TAFA2: variants seen among roughly 807,000 people sequenced by gnomAD.
TAFA2 encodes the protein TAFA chemokine like family member 2.
In TAFA2, 7 loss-of-function variants were observed where a neutral mutation model predicts 18.8. The ratio of observed to expected loss-of-function variants is 0.37; its 90% confidence interval spans 0.21 to 0.70. TAFA2 has a LOEUF of 0.70. Among genes scored for constraint, TAFA2 ranks in the 30% least tolerant of loss-of-function variants. TAFA2 has a pLI of 0.53. For synonymous variants in TAFA2, 60 were observed against 54.2 expected (o/e 1.11, Z -0.47); for missense variants, 122 against 158.1 (o/e 0.77, Z 1.23).
At chr12:61,969,922 G>A (rs757507953) in intron 1 of TAFA2, among the ~76,000 whole-genome samples, 1 of 151,546 alleles carries the variant, frequency 6.6e-6, no homozygotes. Flanking sequence ...ATCCAATATG[G>A]CTAAAGCAAA....
At chr12:62,081,205 T>A (rs959047712) in intron 1 of TAFA2, among the ~76,000 whole-genome samples, 4 of 152,014 alleles carry the variant, frequency 2.6e-5, no homozygotes, top group Non-Finnish European at 4.4e-5. Flanking sequence ...ACAAAAAAAA[T>A]TCCCCTATAT....
At chr12:61,734,351 C>T (rs1238537602) in intron 4 of TAFA2, among the ~76,000 whole-genome samples, 1 of 117,416 alleles carries the variant, frequency 8.5e-6, no homozygotes, top group Non-Finnish European at 1.6e-5. Context: ...ACATCACACT[C>T]TGGGGACGGT....
At chr12:62,139,075 G>A (rs767012406) in intron 1 of TAFA2, among the ~76,000 whole-genome samples, 1 of 152,150 alleles carries the variant, frequency 6.6e-6, no homozygotes. Context: ...TTGGGGGCGG[G>A]GGAGAGGATG....
chr12:62,017,703 A>T (rs1323248826), intron 1 of TAFA2, among the ~76,000 whole-genome samples: 1 of 152,188 alleles, frequency 6.6e-6, no homozygotes, highest in African/African-American at 2.4e-5. Context: ...ATCTCACTAA[A>T]GTATGGTTCC....
chr12:62,123,533 C>T (rs1870307393), intron 1 of TAFA2, among the ~76,000 whole-genome samples: 1 of 152,002 alleles, frequency 6.6e-6, no homozygotes, highest in Non-Finnish European at 1.5e-5. Flanking sequence ...AAAAAGTGGT[C>T]AGATCTTTTC....
intron 1 of TAFA2, among the ~76,000 whole-genome samples, chr12:62,152,201 C>A (rs774259057): frequency 7.9e-5 from 12 of 152,172 alleles, no homozygotes; most frequent in Admixed American, 6.5e-5. Flanking sequence ...TAATTACATT[C>A]ACATTCTCAG....
At chr12:61,903,783 A>T (rs1876219616) in intron 1 of TAFA2, among the ~76,000 whole-genome samples, 1 of 152,202 alleles carries the variant, frequency 6.6e-6, no homozygotes, top group East Asian at 1.9e-4. Context: ...ATGTGAGTCA[A>T]AAATGCAATT....
chr12:61,724,480 T>C (rs566801666), intron 4 of TAFA2, among the ~76,000 whole-genome samples: 1 of 151,790 alleles, frequency 6.6e-6, no homozygotes, highest in East Asian at 1.9e-4. Flanking sequence ...TTTTGTACAC[T>C]CATCCCCTGA....
chr12:61,802,921 G>A (rs1311674589), intron 2 of TAFA2, among the ~76,000 whole-genome samples: 2 of 151,954 alleles, frequency 1.3e-5, no homozygotes, highest in Non-Finnish European at 2.9e-5. Context: ...GGAATCCTCA[G>A]AGGAATTCAC....
At chr12:61,932,480 T>C (rs1395390952) in intron 1 of TAFA2, among the ~76,000 whole-genome samples, 2 of 152,158 alleles carry the variant, frequency 1.3e-5, no homozygotes, top group Non-Finnish European at 2.9e-5. Flanking sequence ...TGCTGTTTCA[T>C]CCAGGCTGGA....
intron 1 of TAFA2, among the ~76,000 whole-genome samples, chr12:61,906,179 TG>T (rs1467100285): frequency 6.6e-6 from 1 of 152,146 alleles, no homozygotes; most frequent in Non-Finnish European, 1.5e-5. Flanking sequence ...ATGAGGATGA[TG>T]TCATAAACTC....
At chr12:62,202,821 CTTTTT>C (rs71083986) in intron 1 of TAFA2, among the ~76,000 whole-genome samples, 11 of 61,624 alleles carry the variant, frequency 1.8e-4, no homozygotes, top group African/African-American at 6.5e-4. Flanking sequence ...CTGTGTGGTT[CTTTTT>C]TTTTTTTTTT....
At chr12:61,986,158 C>CTTTTTTTTTTTTT (rs551223452) in intron 1 of TAFA2, among the ~76,000 whole-genome samples, 3 of 65,838 alleles carry the variant, frequency 4.6e-5, no homozygotes, top group African/African-American at 6.4e-5. Context: ...CTAAGCTCTT[C>CTTTTTTTTTTTTT]TTTTTTTTTT....
chr12:61,930,530 C>G (rs1335888988), intron 1 of TAFA2, among the ~76,000 whole-genome samples: 1 of 152,188 alleles, frequency 6.6e-6, no homozygotes, highest in African/African-American at 2.4e-5. Context: ...GACAAGAAAG[C>G]TGAAACCTCA....
chr12:61,926,949 C>G (rs1877321956), intron 1 of TAFA2, among the ~76,000 whole-genome samples: 1 of 151,634 alleles, frequency 6.6e-6, no homozygotes, highest in Non-Finnish European at 1.5e-5. Context: ...GTGGCACATG[C>G]CTGTAGTCCC....
intron 1 of TAFA2, among the ~76,000 whole-genome samples, chr12:62,048,352 G>C (rs570747512): frequency 6.6e-6 from 1 of 152,300 alleles, no homozygotes; most frequent in East Asian, 1.9e-4. Flanking sequence ...CAGATCTCGT[G>C]AGAACTCACT....
At chr12:61,859,220 T>A (rs754128857) in intron 2 of TAFA2, among the ~76,000 whole-genome samples, 6 of 151,802 alleles carry the variant, frequency 4.0e-5, no homozygotes, top group Non-Finnish European at 7.4e-5. Flanking sequence ...CAGGACGGAG[T>A]GAGTGCCAGC....
chr12:62,171,627 G>A (rs568853198), intron 1 of TAFA2, among the ~76,000 whole-genome samples: 1 of 152,284 alleles, frequency 6.6e-6, no homozygotes, highest in Admixed American at 6.5e-5. Flanking sequence ...GACACAGCAA[G>A]GGGTGCCTTC....
intron 1 of TAFA2, among the ~76,000 whole-genome samples, chr12:61,963,650 T>G (rs1878966289): frequency 6.6e-6 from 1 of 151,808 alleles, no homozygotes; most frequent in Non-Finnish European, 1.5e-5. Flanking sequence ...ATTGCCATAC[T>G]GCCCAAAGTA....
Sources: allele counts gnomAD v4.1 joint callset (sites outside exome capture counted in the v4.1 genomes callset), GRCh38; gene constraint gnomAD v4.1.1; transcripts MANE v1.5; gene names NCBI Gene and HGNC (gene_info 2026-07-23, HGNC 2026-07-21).